Variants in DPP6 observed in about 807,000 individuals in gnomAD.
DPP6 encodes the protein A-type potassium channel modulatory protein DPP6.
A neutral mutation model predicts 122.6 loss-of-function variants in DPP6; 69 were observed. The observed-to-expected ratio is 0.56, with a 90% confidence interval of 0.46 to 0.69. The LOEUF (loss-of-function observed/expected upper bound fraction) is 0.69, where lower values mean the gene tolerates loss of function less well. Among genes scored for constraint, DPP6 ranks in the 30% least tolerant of loss-of-function variants. The pLI, the probability that DPP6 is intolerant of heterozygous loss-of-function variation, is 0.00. For synonymous variants in DPP6, 418 were observed against 433.1 expected (o/e 0.97, Z 0.43); for missense variants, 928 against 1,116.9 (o/e 0.83, Z 2.41).
At chr7:154,388,135 CTA>C (rs1814281223) in intron 1 of DPP6, among the ~76,000 whole-genome samples, 1 of 152,096 alleles carries the variant, frequency 6.6e-6, no homozygotes, top group Non-Finnish European at 1.5e-5. Context: ...AACCCCATCT[CTA>C]TTAAAAATAC....
In DPP6 at chr7:154,642,221, C is replaced by T. The variant is rs1331244409; in HGVS notation, c.680+4348C>T. Among the ~76,000 whole-genome samples the T allele has an allele frequency of 3.3e-5, 5 of 152,102 alleles. No individual in the cohort carries two copies. The East Asian group carries it at 7.7e-4, about 23-fold the overall frequency. Reference sequence around the variant, plus strand: ...ACCTGAACTTGAACCCATCGTGCTGCTGACTTCTGGTTGTGTGACCTTGAG... The same window carrying T: ...ACCTGAACTTGAACCCATCGTGCTGTTGACTTCTGGTTGTGTGACCTTGAG... On this transcript the variant is annotated intron_variant, in intron 6 of 25. Coordinates refer to ENST00000377770, the MANE Select transcript of DPP6 (RefSeq NM_130797.4).
chr7:153,796,566 T>A, the DPP6 span, among the ~76,000 whole-genome samples: 1 of 152,278 alleles, frequency 6.6e-6, no homozygotes, highest in East Asian at 1.9e-4. Context: ...TTTTTGTTAT[T>A]TACGGTGGGT....
At chr7:154,305,636 C>CAG in intron 1 of DPP6, 1 of 1,505,612 alleles carries the variant, frequency 6.6e-7, no homozygotes, top group Non-Finnish European at 9.0e-7. Context: ...GAGACAGAGA[C>CAG]AGAGAGGGAG....
intron 1 of DPP6, among the ~76,000 whole-genome samples, chr7:154,401,217 C>CAAA (rs377017340): frequency 6.9e-6 from 1 of 144,754 alleles, no homozygotes; most frequent in African/African-American, 2.6e-5. Context: ...AAAACAAAAA[C>CAAA]AAAAAAAAAA....
intron 7 of DPP6, among the ~76,000 whole-genome samples, chr7:154,705,750 A>G (rs1011245838): frequency 1.3e-5 from 2 of 152,372 alleles, no homozygotes; most frequent in African/African-American, 4.8e-5. Flanking sequence ...GGAGGTCACC[A>G]CTACAGCAGT....
chr7:154,807,882 T>C (rs1798799089), intron 16 of DPP6, among the ~76,000 whole-genome samples: 1 of 152,148 alleles, frequency 6.6e-6, no homozygotes, highest in South Asian at 2.1e-4. Flanking sequence ...GAAAAATATT[T>C]CCCTATGTCC....
chr7:154,631,728 T>TTTTG (rs758736000), intron 5 of DPP6, among the ~76,000 whole-genome samples: 2 of 151,824 alleles, frequency 1.3e-5, no homozygotes, highest in Non-Finnish European at 2.9e-5. Flanking sequence ...TTTTTGTTTG[T>TTTTG]TTTGTTTGTT....
intron 8 of DPP6, among the ~76,000 whole-genome samples, chr7:154,736,846 C>T (rs1214609020): frequency 6.6e-6 from 1 of 152,204 alleles, no homozygotes; most frequent in African/African-American, 2.4e-5. Context: ...ATTCTAGGAA[C>T]CTCCACAAGG....
chr7:153,763,377 G>GAAAAA, the DPP6 span, among the ~76,000 whole-genome samples: 20 of 128,696 alleles, frequency 1.6e-4, no homozygotes, highest in Admixed American at 4.0e-4. Context: ...GTACAAGTAA[G>GAAAAA]AAAAAAAAAA....
At chr7:154,852,572 C>T (rs1802499181) in intron 16 of DPP6, among the ~76,000 whole-genome samples, 1 of 150,104 alleles carries the variant, frequency 6.7e-6, no homozygotes, top group Non-Finnish European at 1.5e-5. Context: ...TGTGCTTTCT[C>T]ATTCAGCATT....
chr7:153,837,994 C>T, the DPP6 span, among the ~76,000 whole-genome samples: 1 of 151,920 alleles, frequency 6.6e-6, no homozygotes, highest in South Asian at 2.1e-4. Context: ...TAAAAGTCCA[C>T]TACCTGTGTC....
chr7:153,836,513 T>C, the DPP6 span, among the ~76,000 whole-genome samples: 1 of 152,240 alleles, frequency 6.6e-6, no homozygotes, highest in African/African-American at 2.4e-5. Flanking sequence ...TTATCTTTGC[T>C]GGTCCTCTGG....
intron 1 of DPP6, among the ~76,000 whole-genome samples, chr7:154,197,862 G>A (rs1407225145): frequency 6.6e-6 from 1 of 152,146 alleles, no homozygotes; most frequent in African/African-American, 2.4e-5. Flanking sequence ...AGACCGTTGG[G>A]AAGGAGAAGA....
chr7:154,189,198 A>G lies in DPP6; in HGVS notation c.243+136135A>G, dbSNP rs184194368. On this transcript the variant is annotated intron_variant, in intron 1 of 25. Transcript: ENST00000377770. ...ATCGTGATACCTTTTTCCCCAAGGG[A>G]CTAACCACACAACCAACCAACCAGG... is the stretch of plus-strand genomic sequence containing the variant. Among the ~76,000 whole-genome samples the G allele has an allele frequency of 3.3e-5, 5 of 152,292 alleles. No individual in the cohort carries two copies. In the East Asian group the frequency reaches 9.7e-4, roughly 29 times the overall value.
At chr7:153,790,198 T>G in the DPP6 span, among the ~76,000 whole-genome samples, 1 of 151,970 alleles carries the variant, frequency 6.6e-6, no homozygotes, top group African/African-American at 2.4e-5. Context: ...CTCTACAACT[T>G]TAAAAGATCT....
At chr7:154,543,671 A>G (rs1335923173) in intron 4 of DPP6, among the ~76,000 whole-genome samples, 1 of 152,164 alleles carries the variant, frequency 6.6e-6, no homozygotes. Context: ...AAATCATGAA[A>G]TATTTCACAA....
Position 154,262,615 on chromosome 7 carries a change from G to A in DPP6, c.244-183599G>A, listed in dbSNP as rs865959085. On this transcript the variant is annotated intron_variant, in intron 1 of 25. Coordinates refer to ENST00000377770, the MANE Select transcript of DPP6 (RefSeq NM_130797.4). Reference sequence around the variant, plus strand: ...TTTGTGGAAAGAGAGAACTCAAGGGGGCTTTATTTTAAATATGTTAGAAAG... The same window carrying A: ...TTTGTGGAAAGAGAGAACTCAAGGGAGCTTTATTTTAAATATGTTAGAAAG... 4.5e-3 allele frequency among the ~76,000 whole-genome samples: 656 copies of A among 145,752 alleles called. 4 individuals are homozygous for A. Among genetic ancestry groups the A allele is most frequent in the Middle Eastern group, 0.021 (6 of 284 alleles).
chr7:153,837,718 C>G, the DPP6 span, among the ~76,000 whole-genome samples: 8 of 151,742 alleles, frequency 5.3e-5, no homozygotes, highest in Admixed American at 5.3e-4. Context: ...GAGACGGATT[C>G]ACTCTGCTGC....
intron 6 of DPP6, among the ~76,000 whole-genome samples, chr7:154,658,179 G>A (rs908668857): frequency 1.2e-4 from 18 of 152,170 alleles, no homozygotes; most frequent in Admixed American, 1.0e-3. Flanking sequence ...TCAGCTGTGG[G>A]ACTTAGTTAA....
Sources: gnomAD v4.1 joint callset for allele counts (sites outside exome capture counted in the v4.1 genomes callset) on GRCh38, gnomAD v4.1.1 for gene constraint, MANE v1.5 for transcripts, NCBI Gene and HGNC (gene_info 2026-07-23, HGNC 2026-07-21) for gene names.